The following WDR35 variants were observed in gnomAD, a reference collection of about 807,000 sequenced individuals.
WDR35 encodes the protein WD repeat-containing protein 35.
Under a neutral mutation model 158.3 loss-of-function variants are expected in WDR35, and 118 were observed. The ratio of observed to expected loss-of-function variants is 0.75; its 90% CI spans 0.64 to 0.87. The LOEUF (loss-of-function observed/expected upper bound fraction) is 0.87, where lower values mean the gene tolerates loss of function less well. Among genes scored for constraint, WDR35 ranks in the 40% least tolerant of loss-of-function variants. WDR35 has a pLI of 0.00. For synonymous variants in WDR35, 448 were observed against 476.1 expected (o/e 0.94, Z 0.77); for missense variants, 1,263 against 1,405.8 (o/e 0.90, Z 1.62).
At chr2:19,935,668 C>G in intron 20 of WDR35, 65 bp from the exon 21 acceptor site, 2 of 1,568,462 alleles carry the variant, frequency 1.3e-6, no homozygotes, top group Non-Finnish European at 8.7e-7. Flanking sequence ...TAAGCACTTT[C>G]AACCAAAATG....
Position 19,913,440 on chromosome 2 carries a change from AAAT to A in WDR35, c.*115_*117del. The A allele has an allele frequency of 7.4e-7, 1 of 1,354,108 alleles. No homozygotes were observed. The highest frequency in any genetic ancestry group is 1.0e-6 in the Non-Finnish European group (1 of 981,698). The allele number at this position is 1,354,108 out of a possible 1,614,324, so 83.9% of individuals were successfully genotyped here. On this transcript the variant is annotated 3_prime_UTR_variant, in exon 27 of 27. Transcript: ENST00000281405. The stretch of plus-strand genomic sequence containing the variant: ...ATATTTTGTGCAAAAATTCAACTAT[AAAT>A]AATGAGGCTGATTTTCATACAAAAC...
rs138202017 is a variant in WDR35, at chr2:19,980,721, C to T, written c.277G>A (p.Gly93Arg). ...TATAACATCCACACAATGATAAGCCCGTTTTCATCACTGGTAGTCAACTTC... is the reference window on the plus strand; with the variant it reads ...TATAACATCCACACAATGATAAGCCTGTTTTCATCACTGGTAGTCAACTTC... The part of the protein sequence containing the change: ...YQKLTTSDEN[G>R]LIIVWMLYKG... The change falls in exon 4 of 27, where the codon GGG becomes AGG. Residue 93 changes from glycine to arginine, a missense_variant. Gly to Arg is a moderately radical substitution (Grantham distance 125, BLOSUM62 -2). Transcript: ENST00000281405. 15 of 1,613,588 alleles carry T rather than the reference C, an allele frequency of 9.3e-6. No homozygotes were observed. The highest frequency in any genetic ancestry group is 2.2e-5 in the East Asian group (1 of 44,790).
chr2:19,962,219 G>T, intron 10 of WDR35: 3 of 1,520,064 alleles, frequency 2.0e-6, no homozygotes, highest in Non-Finnish European at 2.7e-6. Flanking sequence ...TATTGCTACA[G>T]TTTCTGATCA....
intron 4 of WDR35, 83 bp downstream of exon 4, chr2:19,980,608 G>T: frequency 9.0e-7 from 1 of 1,105,518 alleles, no homozygotes; most frequent in Non-Finnish European, 1.4e-6. Flanking sequence ...GGTCTATTTT[G>T]GAGATGTTAT....
intron 18 of WDR35, 83 bp downstream of exon 18, chr2:19,938,182 G>T (rs965768445): frequency 3.2e-6 from 5 of 1,557,376 alleles, no homozygotes; most frequent in African/African-American, 1.4e-5. Flanking sequence ...CCATCAGGAG[G>T]ATAGTAGGGG....
intron 6 of WDR35, among the ~76,000 whole-genome samples, chr2:19,975,231 C>T (rs889170571): frequency 1.3e-5 from 2 of 152,166 alleles, no homozygotes; most frequent in Admixed American, 1.3e-4. Context: ...TTAAACTGCA[C>T]ATCGCCCTAC....
intron 8 of WDR35, among the ~76,000 whole-genome samples, chr2:19,971,079 T>A (rs1229859383): frequency 6.6e-6 from 1 of 152,186 alleles, no homozygotes; most frequent in Non-Finnish European, 1.5e-5. Context: ...TATGACCAAA[T>A]TAACGAGTGA....
chr2:19,989,864 G>C (rs1672694310), intron 1 of WDR35, 128 bp downstream of exon 1: 1 of 1,471,596 alleles, frequency 6.8e-7, no homozygotes, highest in African/African-American at 1.4e-5. Context: ...CGGCGGGAAG[G>C]ATGGCTGCGG....
At chr2:19,941,737 A>C in intron 17 of WDR35, 22 bp downstream of exon 17, 1 of 1,500,822 alleles carries the variant, frequency 6.7e-7, no homozygotes. Context: ...TAGCAACAGA[A>C]ATGTAACTTT....
intron 16 of WDR35, among the ~76,000 whole-genome samples, chr2:19,944,628 A>T (rs1474972328): frequency 6.6e-6 from 1 of 152,148 alleles, no homozygotes; most frequent in African/African-American, 2.4e-5. Context: ...TTACAGGTCA[A>T]ATGCAGCAGC....
At chr2:19,971,111 T>TTTAA (rs1672023124) in intron 8 of WDR35, among the ~76,000 whole-genome samples, 1 of 152,246 alleles carries the variant, frequency 6.6e-6, no homozygotes, top group African/African-American at 2.4e-5. Flanking sequence ...CAAACACTTT[T>TTTAA]TTAATGTGGC....
rs1479756420 is a variant in WDR35, at chr2:19,973,557, A to G, written c.882+6T>C. 1 of 1,613,994 alleles carries G rather than the reference A, an allele frequency of 6.2e-7. No homozygotes were observed. Among genetic ancestry groups the G allele is most frequent in the Non-Finnish European group, 8.5e-7 (1 of 1,180,020 alleles). On this transcript the variant is annotated splice_donor_region_variant and intron_variant, in intron 8 of 26. Transcript: ENST00000281405. ...AAAGAAAGAAGATCAATTTGAATGC[A>G]TTTACCTCACCAAACGGAGTGTAAA...
intron 16 of WDR35, 49 bp downstream of exon 16, chr2:19,945,737 T>A (rs372451709): frequency 6.2e-7 from 1 of 1,603,394 alleles, no homozygotes; most frequent in African/African-American, 1.3e-5. Context: ...CAGGTTTTTA[T>A]ATTTGGCTCA....
In WDR35 at chr2:19,946,539, C is replaced by T; in HGVS notation, c.1556G>A (p.Ser519Asn). Residue 519 changes from serine to asparagine, a missense_variant, in exon 15 of 27, where the codon AGT becomes AAT. Transcript: ENST00000281405. ...GRESGTIQRY[S>N]LPNVGLIQKY... ...TTGAATCAAACCAACATTAGGTAGACTGTATCTCTGAATGGTGCCAGATTC... is the reference window on the plus strand; with the variant it reads ...TTGAATCAAACCAACATTAGGTAGATTGTATCTCTGAATGGTGCCAGATTC... 6.2e-7 allele frequency: 1 copy of T among 1,613,624 alleles called. No homozygotes were observed. The highest frequency in any genetic ancestry group is 1.1e-5 in the South Asian group (1 of 91,074).
chr2:19,976,514 C>T (rs1672217847), intron 5 of WDR35, among the ~76,000 whole-genome samples: 1 of 152,044 alleles, frequency 6.6e-6, no homozygotes, highest in African/African-American at 2.4e-5. Flanking sequence ...CACTTGTACC[C>T]TCTAAATCTA....
chr2:19,954,315 T>A (rs938135838), intron 11 of WDR35, among the ~76,000 whole-genome samples: 8 of 152,146 alleles, frequency 5.3e-5, no homozygotes, highest in Non-Finnish European at 8.8e-5. Context: ...AAAGAAAAAT[T>A]AGATAAATTA....
intron 18 of WDR35, 120 bp downstream of exon 18, chr2:19,938,145 A>C: frequency 6.8e-7 from 1 of 1,467,034 alleles, no homozygotes; most frequent in Non-Finnish European, 9.4e-7. Context: ...ACATCTTAAA[A>C]AGAAGAGCAA....
chr2:19,938,688 G>A (rs573002481), intron 17 of WDR35, among the ~76,000 whole-genome samples: 11 of 152,272 alleles, frequency 7.2e-5, no homozygotes, highest in Admixed American at 2.0e-4. Context: ...GTTTCCCTCT[G>A]CTCAGATTGG....
intron 25 of WDR35, among the ~76,000 whole-genome samples, chr2:19,916,595 A>G (rs1046652581): frequency 3.3e-5 from 5 of 152,138 alleles, no homozygotes; most frequent in Admixed American, 1.3e-4. Context: ...AGGCGGTTTC[A>G]CCCTCACAGT....
Sources: allele counts gnomAD v4.1 joint callset (sites outside exome capture counted in the v4.1 genomes callset), GRCh38; gene constraint gnomAD v4.1.1; transcripts MANE v1.5; gene names NCBI Gene and HGNC (gene_info 2026-07-23, HGNC 2026-07-21).